The following DNAH9 variants were observed in gnomAD, a reference collection of about 807,000 sequenced individuals.
The protein encoded by DNAH9 is dynein axonemal heavy chain 9.
DNAH9 carries 345 observed loss-of-function variants against 471.6 expected under a neutral mutation model. That is an observed-to-expected ratio of 0.73 (90% CI 0.67 to 0.80). The LOEUF is 0.80. DNAH9 is among the 30% of genes least tolerant of loss of function. The pLI, the probability that DNAH9 is intolerant of heterozygous loss-of-function variation, is 0.00. For synonymous variants in DNAH9, 2,093 were observed against 2,123.6 expected, an observed-to-expected ratio of 0.99 and a Z score of 0.40; for missense variants, 5,407 against 5,609.2, an observed-to-expected ratio of 0.96 and a Z score of 1.15.
chr17:11,746,928 T>C (rs1966904025), intron 31 of DNAH9, among the ~76,000 whole-genome samples: 1 of 151,964 alleles, frequency 6.6e-6, no homozygotes, highest in Non-Finnish European at 1.5e-5. Context: ...AAGAAAAATA[T>C]TGTGAGATTC....
At chr17:11,926,546 C>T (rs141885801) in intron 62 of DNAH9, among the ~76,000 whole-genome samples, 48 of 152,274 alleles carry the variant, frequency 3.2e-4, no homozygotes, top group East Asian at 9.6e-4. Flanking sequence ...CTGAGGGTAA[C>T]GGCTTCCAGC....
intron 1 of DNAH9, 56 bp downstream of exon 1, chr17:11,598,971 GAGCCTTAA>G: frequency 8.2e-7 from 1 of 1,213,284 alleles, no homozygotes; most frequent in Non-Finnish European, 1.1e-6. Flanking sequence ...AGGGGAGGAG[GAGCCTTAA>G]GGGACGGAGG....
At chr17:11,923,098 T>G (rs57103942) in intron 61 of DNAH9, among the ~76,000 whole-genome samples, 28,432 of 151,896 alleles carry the variant, frequency 0.19, 2,744 homozygotes, top group East Asian at 0.27. Flanking sequence ...GTTTTGAGAC[T>G]GAGTTTCGCT....
intron 38 of DNAH9, among the ~76,000 whole-genome samples, chr17:11,770,527 C>T (rs945190618): frequency 1.3e-5 from 2 of 152,172 alleles, no homozygotes; most frequent in South Asian, 4.1e-4. Flanking sequence ...GGCTTCCCCC[C>T]ACCCGCCCTT....
Position 11,732,175 on chromosome 17 carries a change from C to G in DNAH9, c.5814+4253C>G, listed in dbSNP as rs542128748. Among the ~76,000 whole-genome samples, 602 of 152,296 alleles carry G rather than the reference C, an allele frequency of 4.0e-3. 3 individuals carry two copies. Among genetic ancestry groups the G allele is most frequent in the African/African-American group, 0.013 (560 of 41,558 alleles). Reference sequence around the variant, plus strand: ...TGCTTTATTTTGAAGCTGCGCAACACAAGGTCAGCAATGCATTCTCTAAGA... The same window carrying G: ...TGCTTTATTTTGAAGCTGCGCAACAGAAGGTCAGCAATGCATTCTCTAAGA... On this transcript the variant is annotated intron_variant, in intron 28 of 68. Coordinates refer to ENST00000262442, the MANE Select transcript of DNAH9 (RefSeq NM_001372.4).
Position 11,619,619 on chromosome 17 carries a change from G to A in DNAH9, c.1188G>A (p.Val396=). ...EVEESQRKLQ[V]VSDTLSFFKQ... is the part of the protein sequence containing the mutation. ...AAGAAAGTCAGAGAAAACTGCAAGT[G>A]GTCTCAGACACTTTGAGCTTCTTCA... The change falls in exon 6 of 69, where the codon GTG becomes GTA. Residue 396 remains valine, a synonymous_variant. Coordinates refer to ENST00000262442, the MANE Select transcript of DNAH9 (RefSeq NM_001372.4). The A allele has an allele frequency of 1.2e-6, 2 of 1,614,072 alleles. No homozygotes were observed. Among genetic ancestry groups the A allele is most frequent in the Non-Finnish European group, 1.7e-6 (2 of 1,179,948 alleles).
chr17:11,762,774 T>TG (rs1250425512), intron 35 of DNAH9, among the ~76,000 whole-genome samples: 12 of 95,588 alleles, frequency 1.3e-4, no homozygotes, highest in Non-Finnish European at 2.1e-4. Flanking sequence ...TTTTTTGTTT[T>TG]TTTTTTTTTT....
intron 15 of DNAH9, 64 bp downstream of exon 15, chr17:11,665,032 T>C (rs2073843282): frequency 6.8e-7 from 1 of 1,480,530 alleles, no homozygotes; most frequent in South Asian, 1.2e-5. Context: ...ATTTGTTGAA[T>C]TATATTGAAG....
rs144408069 is a variant in DNAH9 at position 11,883,624 on chromosome 17, C to T, written c.10845C>T (p.Thr3615=). 2,226 of 1,614,106 alleles carry T rather than the reference C, an allele frequency of 1.4e-3. 3 individuals carry two copies. Among genetic ancestry groups the T allele is most frequent in the Middle Eastern group, 2.6e-3 (16 of 6,060 alleles). The part of the protein sequence containing the change: ...LTKQQNGFKI[T]LKTLEDSLLS... ...AGCAGCAGAATGGATTCAAAATTAC[C>T]CTGAAAACGTTGGAAGACAGTCTTC... Residue 3615 remains threonine (T), a synonymous_variant, in exon 56 of 69, where the codon ACC becomes ACT. Transcript: ENST00000262442.
intron 50 of DNAH9, among the ~76,000 whole-genome samples, chr17:11,857,267 A>G (rs995312017): frequency 1.3e-5 from 2 of 152,188 alleles, no homozygotes; most frequent in Non-Finnish European, 2.9e-5. Context: ...TTCCTTGGCT[A>G]CCTTTGGAAG....
At chr17:11,951,553 G>A (rs1266852068) in intron 67 of DNAH9, among the ~76,000 whole-genome samples, 2 of 151,970 alleles carry the variant, frequency 1.3e-5, no homozygotes, top group Non-Finnish European at 2.9e-5. Flanking sequence ...TAGTGGCTAT[G>A]ACAGGAGGAC....
intron 26 of DNAH9, among the ~76,000 whole-genome samples, chr17:11,711,251 T>C (rs10153244): frequency 0.86 from 130,642 of 152,020 alleles, 58,755 homozygotes; most frequent in Non-Finnish European, 0.99. Context: ...AAAGGTATGA[T>C]TGACAGCCCA....
chr17:11,842,246 C>T (rs570913010), intron 49 of DNAH9, among the ~76,000 whole-genome samples: 17 of 152,212 alleles, frequency 1.1e-4, no homozygotes, highest in Non-Finnish European at 1.9e-4. Context: ...AAGATATCAA[C>T]GTGAAATACA....
chr17:11,752,183 T>C (rs1236495080), intron 32 of DNAH9, among the ~76,000 whole-genome samples: 1 of 152,334 alleles, frequency 6.6e-6, no homozygotes, highest in East Asian at 1.9e-4. Flanking sequence ...AAATTTCAGG[T>C]AATGACAATT....
In DNAH9 at chr17:11,599,731, G is replaced by A. The variant is rs554388077; in HGVS notation, c.417+816G>A. On this transcript the variant is annotated intron_variant, in intron 1 of 68. Coordinates refer to ENST00000262442, the MANE Select transcript of DNAH9 (RefSeq NM_001372.4). The stretch of plus-strand genomic sequence containing the variant: ...TGGGAGTAAACTGCCCTGCAAGTCA[G>A]GCTGTGTGCTTATGGAGGCTTGATG... Among the ~76,000 whole-genome samples the A allele has an allele frequency of 3.8e-4, 58 of 152,282 alleles. 1 individual carries two copies. Among genetic ancestry groups the A allele is most frequent in the Admixed American group, 1.4e-3 (22 of 15,298 alleles).
chr17:11,605,995 G>A (rs1240176577), intron 1 of DNAH9, among the ~76,000 whole-genome samples: 1 of 123,490 alleles, frequency 8.1e-6, no homozygotes, highest in Non-Finnish European at 2.0e-5. Context: ...AAATAAGATA[G>A]AGTCCCTGCC....
intron 49 of DNAH9, among the ~76,000 whole-genome samples, chr17:11,852,671 C>A (rs371470964): frequency 1.3e-5 from 2 of 151,398 alleles, no homozygotes; most frequent in Non-Finnish European, 2.9e-5. Context: ...AGGGAGAATG[C>A]AATGAGTTGG....
chr17:11,611,564 C>G, intron 3 of DNAH9, 86 bp from the exon 4 acceptor site: 1 of 1,399,056 alleles, frequency 7.1e-7, no homozygotes, highest in East Asian at 2.3e-5. Context: ...CAGGGCTCCT[C>G]TCTTTCTGTG....
Position 11,689,974 on chromosome 17 carries a change from G to A in DNAH9, c.4152G>A (p.Arg1384=), listed in dbSNP as rs1597482436. The A allele has an allele frequency of 2.5e-6, 4 of 1,613,856 alleles. No homozygotes were observed. Among genetic ancestry groups the A allele is most frequent in the Admixed American group, 1.7e-5 (1 of 59,980 alleles). The change falls in exon 20 of 69, where the codon CGG becomes CGA. Residue 1384 remains arginine, a synonymous_variant. Coordinates refer to ENST00000262442, the MANE Select transcript of DNAH9 (RefSeq NM_001372.4). ...TGCAGAATCCAGCCATCCGGGAGCGGCACTGGAGGCAGCTGATGCAGGCCA... is the reference window on the plus strand; with the variant it reads ...TGCAGAATCCAGCCATCCGGGAGCGACACTGGAGGCAGCTGATGCAGGCCA... ...AELQNPAIRE[R]HWRQLMQATG...
Sources: allele counts gnomAD v4.1 joint callset (sites outside exome capture counted in the v4.1 genomes callset), GRCh38; gene constraint gnomAD v4.1.1; transcripts MANE v1.5; gene names NCBI Gene and HGNC (gene_info 2026-07-23, HGNC 2026-07-21).